Variants in HHAT observed in about 807,000 individuals in gnomAD.
HHAT encodes the protein hedgehog acyltransferase.
A neutral mutation model predicts 70.8 loss-of-function variants in HHAT; 47 were observed. The observed-to-expected ratio is 0.66, with a 90% confidence interval of 0.53 to 0.85. HHAT has a LOEUF of 0.85. Ranked by LOEUF, HHAT falls within the 40% of genes least tolerant of loss-of-function variation. The probability of loss-of-function intolerance (pLI) is 0.00; values close to 1 mark genes in which losing one functional copy is unlikely to be tolerated. For missense variants in HHAT, 609 were observed against 604.8 expected (o/e 1.01, Z -0.07); for synonymous variants, 228 against 247.6 (o/e 0.92, Z 0.74).
chr1:210,615,680 G>A (rs1377843206), intron 10 of HHAT, among the ~76,000 whole-genome samples: 1 of 152,264 alleles, frequency 6.6e-6, no homozygotes, highest in Non-Finnish European at 1.5e-5. Context: ...CTGCAGGTCT[G>A]TTGGAGTTTG....
At chr1:210,447,435 T>C (rs34549224) in intron 7 of HHAT, among the ~76,000 whole-genome samples, 27,218 of 152,206 alleles carry the variant, frequency 0.18, 3,093 homozygotes, top group Admixed American at 0.34. Flanking sequence ...ACATGTATTT[T>C]GGTGCGCACT....
intron 8 of HHAT, among the ~76,000 whole-genome samples, chr1:210,470,158 G>A (rs2094178383): frequency 6.6e-6 from 1 of 152,090 alleles, no homozygotes. Context: ...CCATTTGTTT[G>A]TTTTTTAATT....
chr1:210,332,961 T>C (rs1216443852), intron 1 of HHAT, among the ~76,000 whole-genome samples: 1 of 152,208 alleles, frequency 6.6e-6, no homozygotes, highest in Non-Finnish European at 1.5e-5. Context: ...GGTTAGCTTG[T>C]GGGCTTACCA....
In HHAT at chr1:210,482,687, T is replaced by C. The variant is rs561190589; in HGVS notation, c.1007+18032T>C. On this transcript the variant is annotated intron_variant, in intron 8 of 11. Transcript: ENST00000261458. ...GTGGAAATAATTCACGTCACGTTGC[T>C]GTACTGCTATAATGAATACAGAATA... Among the ~76,000 whole-genome samples the C allele has an allele frequency of 6.6e-5, 10 of 152,342 alleles. No homozygotes were observed. In the East Asian group the frequency reaches 1.9e-3, roughly 29 times the overall value.
chr1:210,334,979 A>G (rs1280022576), intron 1 of HHAT, among the ~76,000 whole-genome samples: 1 of 152,198 alleles, frequency 6.6e-6, no homozygotes, highest in Non-Finnish European at 1.5e-5. Flanking sequence ...TCAGGCCCAG[A>G]TGGCTTTACT....
At chr1:210,563,741 T>C (rs867130461) in intron 9 of HHAT, among the ~76,000 whole-genome samples, 1 of 152,312 alleles carries the variant, frequency 6.6e-6, no homozygotes, top group Middle Eastern at 3.4e-3. Flanking sequence ...TAACCTCATA[T>C]TGGGTCTTCA....
Position 210,513,172 on chromosome 1 carries a change from C to T in HHAT, c.1027C>T (p.His343Tyr), listed in dbSNP as rs1471698324. Residue 343 changes from histidine to tyrosine, a missense_variant, in exon 9 of 12, where the codon CAT (histidine) becomes TAT (tyrosine). Transcript: ENST00000261458. ...GAACAGGTATTTTGATGTTGGACTG[C>T]ATAATTTCTTAATCAGGTAAGCCAA... is the stretch of plus-strand genomic sequence containing the variant. ...GMWRYFDVGL[H>Y]NFLIRYVYIP... is the part of the protein sequence containing the mutation. The T allele has an allele frequency of 3.3e-5, 51 of 1,524,906 alleles. No individual in the cohort carries two copies. In the Admixed American group the frequency reaches 8.7e-4, roughly 26 times the overall value. 94.5% of individuals were successfully genotyped at this position (1,524,906 alleles called of 1,614,324 possible).
intron 9 of HHAT, among the ~76,000 whole-genome samples, chr1:210,553,453 C>T (rs2095545204): frequency 6.6e-6 from 1 of 152,126 alleles, no homozygotes; most frequent in South Asian, 2.1e-4. Context: ...GATAGACATA[C>T]ACATTGGAAG....
intron 1 of HHAT, among the ~76,000 whole-genome samples, chr1:210,341,309 T>A (rs957115776): frequency 1.3e-5 from 2 of 152,084 alleles, no homozygotes; most frequent in Non-Finnish European, 2.9e-5. Context: ...GCAGAAAAAA[T>A]TTAAAATGGA....
intron 9 of HHAT, among the ~76,000 whole-genome samples, chr1:210,564,173 G>A (rs2095649032): frequency 6.7e-6 from 1 of 150,282 alleles, no homozygotes; most frequent in African/African-American, 2.5e-5. Flanking sequence ...ATGCTGGCCA[G>A]GCTGATGTGG....
At chr1:210,628,660 A>G (rs945146074) in intron 11 of HHAT, among the ~76,000 whole-genome samples, 1 of 152,186 alleles carries the variant, frequency 6.6e-6, no homozygotes, top group South Asian at 2.1e-4. Flanking sequence ...TTTCTTATGC[A>G]GGTCCCCATA....
intron 9 of HHAT, among the ~76,000 whole-genome samples, chr1:210,569,516 A>G (rs75367144): frequency 0.024 from 3,688 of 151,726 alleles, 151 homozygotes; most frequent in African/African-American, 0.081. Context: ...TTTCCATTGT[A>G]ATGTACAATT....
chr1:210,519,682 A>G (rs1219741429), intron 9 of HHAT, among the ~76,000 whole-genome samples: 1 of 105,574 alleles, frequency 9.5e-6, no homozygotes, highest in African/African-American at 2.9e-5. Flanking sequence ...ATATACCACC[A>G]TGCCCAGCAA....
chr1:210,598,053 G>T (rs1663401276), intron 10 of HHAT, among the ~76,000 whole-genome samples: 1 of 151,742 alleles, frequency 6.6e-6, no homozygotes, highest in African/African-American at 2.4e-5. Flanking sequence ...GATTTATTTT[G>T]TCAGGACTGC....
intron 9 of HHAT, among the ~76,000 whole-genome samples, chr1:210,587,574 G>A (rs1660742616): frequency 6.6e-6 from 1 of 152,212 alleles, no homozygotes; most frequent in Admixed American, 6.5e-5. Flanking sequence ...GCCATTCTGT[G>A]ATTGGATTTC....
At chr1:210,644,469 G>C (rs573020401) in intron 11 of HHAT, among the ~76,000 whole-genome samples, 16 of 152,024 alleles carry the variant, frequency 1.1e-4, no homozygotes, top group African/African-American at 3.9e-4. Flanking sequence ...TAGGCGTGGT[G>C]GTGGGCGCCC....
At chr1:210,516,378 G>A (rs1388741706) in intron 9 of HHAT, among the ~76,000 whole-genome samples, 1 of 152,176 alleles carries the variant, frequency 6.6e-6, no homozygotes, top group Non-Finnish European at 1.5e-5. Context: ...AAGGTCTTAA[G>A]TGTCCTTTAG....
At chr1:210,355,282 C>A (rs2087493993) in intron 2 of HHAT, among the ~76,000 whole-genome samples, 1 of 152,128 alleles carries the variant, frequency 6.6e-6, no homozygotes, top group Admixed American at 6.5e-5. Context: ...TTTGTTTTTG[C>A]TTTGCTAGGA....
chr1:210,622,327 G>A lies in HHAT; in HGVS notation c.1246-1199G>A, dbSNP rs532965677. 3.9e-5 allele frequency among the ~76,000 whole-genome samples: 6 copies of A among 152,252 alleles called. No homozygotes were observed. In the South Asian group the frequency reaches 1.2e-3, roughly 32 times the overall value. ...TTTCTCTGTGTCTGTGGATTAGGCGGAGGTGCTTATCAGATACCCTGGGCC... is the reference window on the plus strand; with the variant it reads ...TTTCTCTGTGTCTGTGGATTAGGCGAAGGTGCTTATCAGATACCCTGGGCC... On this transcript the variant is annotated intron_variant, in intron 10 of 11. Coordinates refer to ENST00000261458, the MANE Select transcript of HHAT (RefSeq NM_018194.6).
Sources: gnomAD v4.1 joint callset for allele counts (sites outside exome capture counted in the v4.1 genomes callset) on GRCh38, gnomAD v4.1.1 for gene constraint, MANE v1.5 for transcripts, NCBI Gene and HGNC (gene_info 2026-07-23, HGNC 2026-07-21) for gene names.